Variants in SGK1 observed in about 807,000 individuals in gnomAD.
SGK1 encodes the protein serum/glucocorticoid regulated kinase 1, also known as serine/threonine-protein kinase Sgk1.
A neutral mutation model predicts 64.2 loss-of-function variants in SGK1; 26 were observed. The observed-to-expected ratio is 0.40, with a 90% CI of 0.30 to 0.56. The LOEUF is 0.56. Among genes scored for constraint, SGK1 ranks in the 20% least tolerant of loss-of-function variants. The pLI is 0.38. For missense variants in SGK1, 519 were observed against 645.6 expected (o/e 0.80, Z 2.12); for synonymous variants, 265 against 239.7 (o/e 1.11, Z -0.98).
chr6:134,257,678 T>A (rs147070213), intron 2 of SGK1, among the ~76,000 whole-genome samples: 1 of 152,198 alleles, frequency 6.6e-6, no homozygotes, highest in Non-Finnish European at 1.5e-5. Context: ...TATCATATGA[T>A]GTTTGAGAGG....
intron 1 of SGK1, among the ~76,000 whole-genome samples, chr6:134,276,745 A>G (rs955324070): frequency 6.6e-6 from 1 of 152,168 alleles, no homozygotes; most frequent in Non-Finnish European, 1.5e-5. Flanking sequence ...CGGGTAACAC[A>G]GGACAGCTTT....
intron 1 of SGK1, among the ~76,000 whole-genome samples, chr6:134,314,613 C>T (rs1777651065): frequency 1.3e-5 from 2 of 152,264 alleles, no homozygotes; most frequent in East Asian, 1.9e-4. Context: ...AGCATTCCTA[C>T]CCAGAACATA....
Position 134,173,327 on chromosome 6 carries a change from C to G in SGK1, c.649G>C (p.Val217Leu). 6.2e-7 allele frequency: 1 copy of G among 1,613,488 alleles called. No homozygotes were observed. Among genetic ancestry groups the G allele is most frequent in the Non-Finnish European group, 8.5e-7 (1 of 1,179,504 alleles). The change falls in exon 7 of 14, where the codon GTG becomes CTG. Residue 217 changes from valine to leucine, a missense_variant. By Grantham distance (32) the Val-to-Leu change is conservative. Transcript: ENST00000367858. ...VLLARHKAEEVFYAVKVLQKK... is the reference protein window; with the variant it reads ...VLLARHKAEELFYAVKVLQKK... Reference sequence around the variant, plus strand: ...TGTAAAACTTTGACTGCATAGAACACTTCTTCTGCCTTGTGTCTTGCTAGA... The same window carrying G: ...TGTAAAACTTTGACTGCATAGAACAGTTCTTCTGCCTTGTGTCTTGCTAGA...
At chr6:134,176,546 G>C (rs926651821) in intron 3 of SGK1, among the ~76,000 whole-genome samples, 1 of 152,188 alleles carries the variant, frequency 6.6e-6, no homozygotes, top group Non-Finnish European at 1.5e-5. Context: ...CGGCGACTGG[G>C]CCCGGAGCGG....
At chr6:134,179,301 A>G (rs929171716) in intron 3 of SGK1, among the ~76,000 whole-genome samples, 1 of 152,150 alleles carries the variant, frequency 6.6e-6, no homozygotes, top group Admixed American at 6.5e-5. Context: ...GAACAATCCT[A>G]TGAAGAGTTT....
chr6:134,221,300 C>T (rs551785391), intron 2 of SGK1, among the ~76,000 whole-genome samples: 1 of 151,916 alleles, frequency 6.6e-6, no homozygotes, highest in South Asian at 2.1e-4. Flanking sequence ...TGAGACTCCG[C>T]CTCAAAAAAT....
At position 134,171,366 on chromosome 6, in the gene SGK1, G is replaced by A. The variant is rs1582680360; in HGVS notation, c.1168-188C>T. 3.6e-5 allele frequency: 23 copies of A among 639,326 alleles called. 1 individual carries two copies. The South Asian group carries it at 4.4e-4, about 12-fold the overall frequency. The allele number at this position is 639,326 out of a possible 1,614,324, so 39.6% of individuals were successfully genotyped here. On this transcript the variant is annotated intron_variant, in intron 11 of 13. Coordinates refer to ENST00000367858, the MANE Select transcript of SGK1 (RefSeq NM_001143676.3). ...GCAACCCGTGTGTGTGTTTGTGTGT[G>A]TGTGTGTGGAGGGTGAGGGGGTAGA...
chr6:134,175,646 C>T (rs1775210543), intron 3 of SGK1: 3 of 1,525,594 alleles, frequency 2.0e-6, no homozygotes, highest in African/African-American at 1.4e-5. Context: ...GCCAGCGCGC[C>T]CTGCATCTCC....
intron 5 of SGK1, 134 bp downstream of exon 5, chr6:134,173,871 A>T: frequency 1.5e-6 from 1 of 676,026 alleles, no homozygotes; most frequent in South Asian, 1.9e-5. Context: ...TATTTATATC[A>T]CTTGTTATGC....
rs931323099 is a variant in SGK1, at chr6:134,242,929, G to T, written c.285+19004C>A. On this transcript the variant is annotated intron_variant, in intron 2 of 13. Transcript: ENST00000367858. ...CTTCCAAATAAAAATACTTTAAAAT[G>T]TTGTCAATACTTTTACCTATTTAGC... Among the ~76,000 whole-genome samples, 135 of 148,242 alleles carry T rather than the reference G, an allele frequency of 9.1e-4. 1 individual carries two copies. Among genetic ancestry groups the T allele is most frequent in the Middle Eastern group, 3.8e-3 (1 of 262 alleles).
chr6:134,317,281 G>A (rs1321852033), intron 1 of SGK1, 111 bp downstream of exon 1: 2 of 774,504 alleles, frequency 2.6e-6, no homozygotes, highest in Non-Finnish European at 2.3e-6. Flanking sequence ...TCAGAAGCAC[G>A]GCTTACATTA....
At chr6:134,269,636 T>G (rs1260201970) in intron 1 of SGK1, among the ~76,000 whole-genome samples, 10 of 138,960 alleles carry the variant, frequency 7.2e-5, no homozygotes, top group East Asian at 5.4e-4. Context: ...CCAGCCTGGA[T>G]GAAAGAGTGA....
chr6:134,260,489 T>C (rs143225608), intron 2 of SGK1: 1 of 150,126 alleles, frequency 6.7e-6, no homozygotes, highest in Non-Finnish European at 1.5e-5. Context: ...CTGACCAACA[T>C]AGAGAAACCC....
Position 134,285,248 on chromosome 6 carries a change from C to T in SGK1, c.70-23100G>A, listed in dbSNP as rs183353627. Among the ~76,000 whole-genome samples, 619 of 151,860 alleles carry T rather than the reference C, an allele frequency of 4.1e-3. 5 individuals are homozygous for T. Among genetic ancestry groups the T allele is most frequent in the African/African-American group, 0.014 (588 of 41,466 alleles). ...CCGAGGTGGGCAGATTGCCTGAGGTCGGCAGATTGCCTGAGGTCAGGAGTT... is the reference window on the plus strand; with the variant it reads ...CCGAGGTGGGCAGATTGCCTGAGGTTGGCAGATTGCCTGAGGTCAGGAGTT... On this transcript the variant is annotated intron_variant, in intron 1 of 13. Transcript: ENST00000367858.
chr6:134,210,713 A>T (rs1044742718), intron 2 of SGK1, among the ~76,000 whole-genome samples: 2 of 149,130 alleles, frequency 1.3e-5, no homozygotes, highest in African/African-American at 5.0e-5. Flanking sequence ...AATCCCAGCT[A>T]CTCGGGAGGC....
chr6:134,184,782 C>A (rs1379184891), intron 3 of SGK1, among the ~76,000 whole-genome samples: 2 of 152,150 alleles, frequency 1.3e-5, no homozygotes, highest in Non-Finnish European at 2.9e-5. Flanking sequence ...CTCCCGGGCT[C>A]AAGCAATCTT....
At chr6:134,306,916 G>T (rs1423314871) in intron 1 of SGK1, among the ~76,000 whole-genome samples, 4 of 146,564 alleles carry the variant, frequency 2.7e-5, no homozygotes, top group Non-Finnish European at 4.5e-5. Context: ...ATAAAAGGGG[G>T]GGGGGGCGGA....
intron 11 of SGK1, 149 bp from the exon 12 acceptor site, chr6:134,171,327 T>G: frequency 1.3e-6 from 1 of 780,000 alleles, no homozygotes; most frequent in Non-Finnish European, 2.1e-6. Flanking sequence ...CCTTGCTATT[T>G]AAGTGTCTAC....
intron 1 of SGK1, among the ~76,000 whole-genome samples, chr6:134,316,265 C>T (rs1394479242): frequency 6.6e-6 from 1 of 152,090 alleles, no homozygotes; most frequent in African/African-American, 2.4e-5. Context: ...ATAGTCCAGC[C>T]CACCCTGAAA....
Sources: gnomAD v4.1 joint callset for allele counts (sites outside exome capture counted in the v4.1 genomes callset) on GRCh38, gnomAD v4.1.1 for gene constraint, MANE v1.5 for transcripts, NCBI Gene and HGNC (gene_info 2026-07-23, HGNC 2026-07-21) for gene names.